The following DCC variants were observed in gnomAD, a reference collection of about 807,000 sequenced individuals.
DCC encodes the protein netrin receptor DCC.
A neutral mutation model predicts 172.5 loss-of-function variants in DCC; 58 were observed. That is an observed-to-expected ratio of 0.34 (90% CI 0.27 to 0.42). DCC has a LOEUF of 0.42. Ranked by LOEUF, DCC falls within the 10% of genes least tolerant of loss-of-function variation. The pLI is 1.00. For synonymous variants in DCC, 709 were observed against 644.5 expected (o/e 1.10, Z -1.52); for missense variants, 1,740 against 1,791.0 (o/e 0.97, Z 0.51).
At chr18:52,660,366 A>G (rs2035335652) in intron 1 of DCC, among the ~76,000 whole-genome samples, 1 of 152,036 alleles carries the variant, frequency 6.6e-6, no homozygotes, top group Non-Finnish European at 1.5e-5. Flanking sequence ...CCATGAAGGG[A>G]CCAAGCAATA....
intron 7 of DCC, among the ~76,000 whole-genome samples, chr18:53,137,098 A>G (rs541757657): frequency 2.0e-5 from 3 of 152,330 alleles, no homozygotes; most frequent in South Asian, 4.1e-4. Context: ...TGATATATTC[A>G]TTTTCAATTA....
chr18:52,793,663 T>C (rs945716513), intron 2 of DCC, among the ~76,000 whole-genome samples: 4 of 152,188 alleles, frequency 2.6e-5, no homozygotes, highest in Admixed American at 6.5e-5. Context: ...CATGTATCTA[T>C]TTTGGTTTTG....
chr18:52,650,684 A>G (rs2035115537), intron 1 of DCC, among the ~76,000 whole-genome samples: 1 of 152,192 alleles, frequency 6.6e-6, no homozygotes, highest in Admixed American at 6.5e-5. Flanking sequence ...CAACAAAAAT[A>G]TATTTGAGAG....
chr18:53,038,033 A>G (rs570948274), intron 5 of DCC, among the ~76,000 whole-genome samples: 1 of 152,126 alleles, frequency 6.6e-6, no homozygotes, highest in African/African-American at 2.4e-5. Context: ...ATACAGTCTC[A>G]AATGCAAAAC....
intron 1 of DCC, among the ~76,000 whole-genome samples, chr18:52,546,456 CCT>C (rs1410720781): frequency 2.0e-5 from 3 of 152,080 alleles, no homozygotes; most frequent in Admixed American, 2.0e-4. Context: ...GATTTTTCTT[CCT>C]CTCTCAGACA....
chr18:52,856,435 C>A (rs2039053973), intron 2 of DCC, among the ~76,000 whole-genome samples: 1 of 151,586 alleles, frequency 6.6e-6, no homozygotes, highest in Non-Finnish European at 1.5e-5. Context: ...ACCATCCTGG[C>A]TAACACGGTG....
intron 5 of DCC, among the ~76,000 whole-genome samples, chr18:52,984,895 A>G (rs942524506): frequency 6.6e-6 from 1 of 152,074 alleles, no homozygotes; most frequent in African/African-American, 2.4e-5. Context: ...TTTGACTATG[A>G]CTTTCCATTT....
intron 1 of DCC, among the ~76,000 whole-genome samples, chr18:52,642,824 C>G (rs985197040): frequency 1.3e-5 from 2 of 152,094 alleles, no homozygotes; most frequent in African/African-American, 4.8e-5. Flanking sequence ...CCATCACACC[C>G]AGCTAGTTTT....
intron 12 of DCC, among the ~76,000 whole-genome samples, chr18:53,223,348 C>T (rs144054521): frequency 7.4e-4 from 113 of 152,148 alleles, no homozygotes; most frequent in African/African-American, 2.2e-3. Flanking sequence ...TGATAGAATA[C>T]CATTCTCTTT....
At chr18:53,007,301 G>A (rs7506454) in intron 5 of DCC, among the ~76,000 whole-genome samples, 109,988 of 151,966 alleles carry the variant, frequency 0.72, 39,944 homozygotes, top group East Asian at 0.74. Flanking sequence ...GTAAATTTAC[G>A]GTAGGTTTAG....
chr18:53,019,309 A>G (rs1362883485), intron 5 of DCC, among the ~76,000 whole-genome samples: 2 of 152,170 alleles, frequency 1.3e-5, no homozygotes, highest in Non-Finnish European at 2.9e-5. Flanking sequence ...TAAAAAGTCA[A>G]CACCTTTTAT....
intron 2 of DCC, among the ~76,000 whole-genome samples, chr18:52,765,395 C>T (rs2037230989): frequency 6.6e-6 from 1 of 152,084 alleles, no homozygotes; most frequent in Non-Finnish European, 1.5e-5. Context: ...TGTTTTACAG[C>T]AATTTGATAA....
chr18:52,960,400 C>A (rs2040823393), intron 5 of DCC, among the ~76,000 whole-genome samples: 1 of 152,254 alleles, frequency 6.6e-6, no homozygotes, highest in African/African-American at 2.4e-5. Context: ...TCACTCATTT[C>A]TTTTAATGTC....
intron 1 of DCC, among the ~76,000 whole-genome samples, chr18:52,596,290 T>A (rs916322928): frequency 7.2e-5 from 11 of 152,206 alleles, no homozygotes; most frequent in African/African-American, 2.4e-4. Context: ...TCAAATATAA[T>A]GTGTTCAACT....
At chr18:52,567,021 G>A (rs962049752) in intron 1 of DCC, among the ~76,000 whole-genome samples, 15 of 152,098 alleles carry the variant, frequency 9.9e-5, no homozygotes, top group African/African-American at 2.9e-4. Context: ...TAAGAATATC[G>A]TTAACTTTTA....
At chr18:52,837,124 A>G (rs940314238) in intron 2 of DCC, among the ~76,000 whole-genome samples, 1 of 152,162 alleles carries the variant, frequency 6.6e-6, no homozygotes, top group Non-Finnish European at 1.5e-5. Flanking sequence ...CCAAGTCCCT[A>G]GGCTGCACAC....
chr18:53,376,260 T>C (rs1907277859), intron 15 of DCC, among the ~76,000 whole-genome samples: 1 of 152,018 alleles, frequency 6.6e-6, no homozygotes, highest in Non-Finnish European at 1.5e-5. Flanking sequence ...GGTGGGTGCC[T>C]GTACTCCCAG....
intron 27 of DCC, among the ~76,000 whole-genome samples, chr18:53,511,600 C>T (rs1303085112): frequency 2.2e-4 from 33 of 152,246 alleles, no homozygotes; most frequent in African/African-American, 7.2e-4. Context: ...TCAGTGGGTG[C>T]GCACACCGTG....
At chr18:53,082,425 T>A (rs1389381415) in intron 7 of DCC, among the ~76,000 whole-genome samples, 3 of 152,090 alleles carry the variant, frequency 2.0e-5, no homozygotes, top group East Asian at 1.9e-4. Context: ...TAATAAAAAA[T>A]TATTTTCCTT....
Sources: allele counts gnomAD v4.1 joint callset (sites outside exome capture counted in the v4.1 genomes callset), GRCh38; gene constraint gnomAD v4.1.1; transcripts MANE v1.5; gene names NCBI Gene and HGNC (gene_info 2026-07-23, HGNC 2026-07-21).